Variants in TANGO6 observed in about 807,000 individuals in gnomAD.
TANGO6 encodes the protein transport and Golgi organization protein 6 homolog.
In TANGO6, 90 loss-of-function variants were observed where a neutral mutation model predicts 114.2. The observed-to-expected ratio is 0.79, with a 90% confidence interval of 0.66 to 0.94. TANGO6 has a LOEUF of 0.94. TANGO6 is among the 40% of genes least tolerant of loss of function. The probability of loss-of-function intolerance (pLI) is 0.00; values close to 1 mark genes in which losing one functional copy is unlikely to be tolerated. For missense variants in TANGO6, 1,274 were observed against 1,315.3 expected (o/e 0.97, Z 0.49); for synonymous variants, 477 against 509.8 (o/e 0.94, Z 0.87).
chr16:69,079,631 GA>G (rs1317033122), intron 17 of TANGO6, among the ~76,000 whole-genome samples: 4 of 151,738 alleles, frequency 2.6e-5, no homozygotes, highest in Admixed American at 6.6e-5. Flanking sequence ...ATACATACCA[GA>G]AAAAAATACA....
intron 14 of TANGO6, among the ~76,000 whole-genome samples, chr16:68,945,506 G>T (rs796959878): frequency 6.6e-6 from 1 of 152,140 alleles, no homozygotes; most frequent in Non-Finnish European, 1.5e-5. Flanking sequence ...TCTTAGGTGG[G>T]TATGACAAAA....
chr16:69,036,365 A>G (rs999279217), intron 16 of TANGO6, among the ~76,000 whole-genome samples: 2 of 152,116 alleles, frequency 1.3e-5, no homozygotes, highest in African/African-American at 2.4e-5. Flanking sequence ...TATTTAGATG[A>G]TATCCGTAAG....
At position 68,880,548 on chromosome 16, in the gene TANGO6, A is replaced by C; in HGVS notation, c.1295A>C (p.Glu432Ala). 1 of 1,610,172 alleles carries C rather than the reference A, an allele frequency of 6.2e-7. No individual in the cohort carries two copies. Among genetic ancestry groups the C allele is most frequent in the East Asian group, 2.2e-5 (1 of 44,710 alleles). ...APLHRCLNTAELSESDMVPGT... is the reference protein window; with the variant it reads ...APLHRCLNTAALSESDMVPGT... ...GTAATTTTGTGTGTTTATTTTCTAG[A>C]GCTTTCAGAGAGTGACATGGTACCA... The change falls in exon 7 of 18, where the codon GAG becomes GCG. Residue 432 changes from glutamate (E) to alanine (A), a missense_variant and splice_region_variant. This residue lies in a region of TANGO6 where 908 missense variants were observed against 910.2 expected (regional missense o/e 1.00). Coordinates refer to ENST00000261778, the MANE Select transcript of TANGO6 (RefSeq NM_024562.2).
intron 14 of TANGO6, among the ~76,000 whole-genome samples, chr16:68,944,711 C>G (rs1181608839): frequency 6.6e-6 from 1 of 152,184 alleles, no homozygotes; most frequent in Non-Finnish European, 1.5e-5. Flanking sequence ...TGATTTTTCC[C>G]AAGGTGAGTC....
chr16:68,984,026 C>T (rs993568697), intron 15 of TANGO6, among the ~76,000 whole-genome samples: 1 of 150,052 alleles, frequency 6.7e-6, no homozygotes, highest in Non-Finnish European at 1.5e-5. Flanking sequence ...GAGCAAGACT[C>T]CGTCTCAAAA....
intron 1 of TANGO6, among the ~76,000 whole-genome samples, chr16:68,847,508 T>G (rs1961831771): frequency 6.6e-6 from 1 of 152,228 alleles, no homozygotes; most frequent in African/African-American, 2.4e-5. Flanking sequence ...GCTTTTGTTT[T>G]AAATCACTTT....
chr16:68,876,279 A>G (rs1250686397), intron 5 of TANGO6, among the ~76,000 whole-genome samples: 1 of 151,782 alleles, frequency 6.6e-6, no homozygotes, highest in Non-Finnish European at 1.5e-5. Flanking sequence ...CTCCTGCCTC[A>G]GCCTCCCGAG....
chr16:68,876,027 A>G (rs1455600427), intron 5 of TANGO6, among the ~76,000 whole-genome samples: 3 of 152,190 alleles, frequency 2.0e-5, no homozygotes, highest in Admixed American at 6.6e-5. Context: ...AGTCACTGCT[A>G]TGAATTTCTT....
intron 7 of TANGO6, among the ~76,000 whole-genome samples, chr16:68,897,720 A>G (rs923691304): frequency 1.3e-5 from 2 of 152,014 alleles, no homozygotes; most frequent in Non-Finnish European, 2.9e-5. Flanking sequence ...CTGGGATTAC[A>G]GGCATGTGCC....
At chr16:68,985,445 C>G (rs891579906) in intron 15 of TANGO6, among the ~76,000 whole-genome samples, 1 of 152,162 alleles carries the variant, frequency 6.6e-6, no homozygotes, top group Non-Finnish European at 1.5e-5. Flanking sequence ...TGCAGTGACT[C>G]ATGCCTGTAA....
intron 7 of TANGO6, among the ~76,000 whole-genome samples, chr16:68,884,103 T>C (rs1962504432): frequency 6.6e-6 from 1 of 152,050 alleles, no homozygotes; most frequent in African/African-American, 2.4e-5. Flanking sequence ...AGAGACAGGG[T>C]TTCACCATGT....
intron 15 of TANGO6, among the ~76,000 whole-genome samples, chr16:69,020,793 A>C (rs1439929553): frequency 6.6e-6 from 1 of 151,982 alleles, no homozygotes; most frequent in African/African-American, 2.4e-5. Context: ...GCTACTCTGG[A>C]GGCTGAGGTG....
At chr16:68,989,940 A>G (rs1436204637) in intron 15 of TANGO6, among the ~76,000 whole-genome samples, 1 of 152,102 alleles carries the variant, frequency 6.6e-6, no homozygotes, top group Non-Finnish European at 1.5e-5. Flanking sequence ...ACCCACCTGA[A>G]TCTTTATCTT....
At chr16:68,968,580 G>T (rs565987361) in intron 14 of TANGO6, among the ~76,000 whole-genome samples, 2 of 151,586 alleles carry the variant, frequency 1.3e-5, no homozygotes, top group East Asian at 3.9e-4. Context: ...GGTCAGGCTG[G>T]TCTCGAACTC....
At chr16:69,020,904 ATGTGTGTGTGTGTGTG>A (rs34350425) in intron 15 of TANGO6, among the ~76,000 whole-genome samples, 74 of 87,364 alleles carry the variant, frequency 8.5e-4, no homozygotes, top group Middle Eastern at 0.012. Flanking sequence ...ATATGTATGT[ATGTGTGTGTGTGTGTG>A]TGTGTGTGTG....
At chr16:68,976,897 A>G (rs1286314262) in intron 15 of TANGO6, among the ~76,000 whole-genome samples, 1 of 152,170 alleles carries the variant, frequency 6.6e-6, no homozygotes, top group Non-Finnish European at 1.5e-5. Context: ...GTACTGCTGT[A>G]TTTGTCCTTG....
chr16:68,916,551 C>A (rs1963008399), intron 11 of TANGO6, among the ~76,000 whole-genome samples: 1 of 149,498 alleles, frequency 6.7e-6, no homozygotes, highest in Non-Finnish European at 1.5e-5. Context: ...TACTGTCAAT[C>A]ATTTGCACAG....
intron 15 of TANGO6, among the ~76,000 whole-genome samples, chr16:69,003,536 T>G (rs1964063895): frequency 6.6e-6 from 1 of 152,138 alleles, no homozygotes; most frequent in African/African-American, 2.4e-5. Flanking sequence ...GAAAACAGAT[T>G]TTAGAATTAA....
chr16:68,930,083 A>T (rs951213262), intron 13 of TANGO6, among the ~76,000 whole-genome samples, 155 bp from the exon 14 acceptor site: 1 of 152,138 alleles, frequency 6.6e-6, no homozygotes, highest in East Asian at 1.9e-4. Flanking sequence ...ACTTAAGCAT[A>T]TATGCCATTT....
Sources: gnomAD v4.1 joint callset for allele counts (sites outside exome capture counted in the v4.1 genomes callset) on GRCh38, gnomAD v4.1.1 for gene constraint, gnomAD v4.1.1 regional missense constraint, MANE v1.5 for transcripts, NCBI Gene and HGNC (gene_info 2026-07-23, HGNC 2026-07-21) for gene names.